LRBA: variants seen among roughly 807,000 people sequenced by gnomAD.
The protein encoded by LRBA is LPS responsive beige-like anchor protein.
Under a neutral mutation model 330.0 loss-of-function variants are expected in LRBA, and 176 were observed. That is an observed-to-expected ratio of 0.53 (90% CI 0.47 to 0.60). The LOEUF (loss-of-function observed/expected upper bound fraction) is 0.60. Ranked by LOEUF, LRBA falls within the 20% of genes least tolerant of loss-of-function variation. LRBA has a pLI of 0.00. For synonymous variants in LRBA, 1,230 were observed against 1,193.0 expected, an observed-to-expected ratio of 1.03 and a Z score of -0.64; for missense variants, 3,259 against 3,444.8, an observed-to-expected ratio of 0.95 and a Z score of 1.35.
chr4:150,593,382 G>A (rs1301847388), intron 38 of LRBA, among the ~76,000 whole-genome samples: 1 of 152,030 alleles, frequency 6.6e-6, no homozygotes, highest in Non-Finnish European at 1.5e-5. Context: ...CTTCTGCTTA[G>A]TTCTAATTTT....
chr4:150,710,747 G>C (rs1036148480), intron 36 of LRBA, among the ~76,000 whole-genome samples: 2 of 151,970 alleles, frequency 1.3e-5, no homozygotes, highest in African/African-American at 2.4e-5. Flanking sequence ...AGTGAAGAAT[G>C]AGTGCTTTAC....
chr4:150,866,914 G>A (rs180850073), intron 22 of LRBA, among the ~76,000 whole-genome samples: 54 of 151,956 alleles, frequency 3.6e-4, no homozygotes, highest in Middle Eastern at 6.8e-3. Flanking sequence ...TTATATACAC[G>A]TAGTAAAGGT....
intron 36 of LRBA, among the ~76,000 whole-genome samples, chr4:150,704,528 A>T (rs1785427088): frequency 6.6e-6 from 1 of 152,058 alleles, no homozygotes; most frequent in Non-Finnish European, 1.5e-5. Context: ...TCTGGGAAGT[A>T]CCTGAATTCT....
chr4:150,378,792 C>G (rs1325340348), intron 47 of LRBA, among the ~76,000 whole-genome samples: 1 of 151,882 alleles, frequency 6.6e-6, no homozygotes, highest in Non-Finnish European at 1.5e-5. Flanking sequence ...GTCTTCAAAT[C>G]GAATGACAAT....
chr4:150,635,995 TTTC>T (rs1427058433), intron 37 of LRBA, among the ~76,000 whole-genome samples: 2 of 152,160 alleles, frequency 1.3e-5, no homozygotes, highest in African/African-American at 4.8e-5. Flanking sequence ...TTCTTCTACA[TTTC>T]TTCTACATGA....
chr4:150,340,776 G>T (rs1204765102), intron 48 of LRBA, among the ~76,000 whole-genome samples: 1 of 152,064 alleles, frequency 6.6e-6, no homozygotes, highest in African/African-American at 2.4e-5. Context: ...TTTCCTTAAG[G>T]ATTTTTAGCT....
At position 150,926,373 on chromosome 4, in the gene LRBA, C is replaced by T. The variant is rs550446927; in HGVS notation, c.549+2143G>A. ...CAATAGAGACCCTCTAAGAGACACG[C>T]CTGAATAGTAAAACTAAACTAGCCG... On this transcript the variant is annotated intron_variant, in intron 4 of 56. Coordinates refer to ENST00000651943, the MANE Select transcript of LRBA (RefSeq NM_001364905.1). Among the ~76,000 whole-genome samples the T allele has an allele frequency of 4.3e-4, 65 of 152,250 alleles. 1 individual carries two copies. The highest frequency in any genetic ancestry group is 8.2e-4 in the Non-Finnish European group (56 of 68,022).
In LRBA at chr4:150,606,956, G is replaced by C. The variant is rs754533682; in HGVS notation, c.5922-7825C>G. On this transcript the variant is annotated intron_variant, in intron 37 of 56. Coordinates refer to ENST00000651943, the MANE Select transcript of LRBA (RefSeq NM_001364905.1). Reference sequence around the variant, plus strand: ...ATAATTGATCAAAGAGTAAACCGATGACTTTTAAACAGAAACTTAAATGAT... The same window carrying C: ...ATAATTGATCAAAGAGTAAACCGATCACTTTTAAACAGAAACTTAAATGAT... Among the ~76,000 whole-genome samples the C allele has an allele frequency of 2.0e-5, 3 of 152,138 alleles. No homozygotes were observed. In the South Asian group the frequency reaches 6.2e-4, roughly 32 times the overall value.
chr4:150,793,980 T>C (rs58510318), intron 34 of LRBA, among the ~76,000 whole-genome samples: 4,218 of 152,282 alleles, frequency 0.028, 182 homozygotes, highest in African/African-American at 0.096. Flanking sequence ...CAATTTGTGG[T>C]AAATTCTATA....
chr4:150,546,370 C>A (rs111375198), intron 40 of LRBA, among the ~76,000 whole-genome samples: 10 of 152,182 alleles, frequency 6.6e-5, no homozygotes, highest in Non-Finnish European at 1.2e-4. Flanking sequence ...AAAATAAAAG[C>A]ACTGGATTTT....
At chr4:150,785,024 A>G (rs1447652604) in intron 34 of LRBA, among the ~76,000 whole-genome samples, 1 of 152,192 alleles carries the variant, frequency 6.6e-6, no homozygotes, top group African/African-American at 2.4e-5. Flanking sequence ...TAGAGAAAAA[A>G]TCGTTCATGC....
intron 36 of LRBA, among the ~76,000 whole-genome samples, chr4:150,696,019 G>C (rs1784585329): frequency 6.6e-6 from 1 of 152,076 alleles, no homozygotes. Context: ...CTTGAGGCCA[G>C]GAGAGTTCAA....
intron 37 of LRBA, among the ~76,000 whole-genome samples, chr4:150,624,048 T>C (rs1312296894): frequency 2.6e-5 from 4 of 152,200 alleles, no homozygotes; most frequent in African/African-American, 9.6e-5. Context: ...ACAGATTACA[T>C]TATTGTTTTC....
At chr4:150,390,729 C>A (rs779100747) in intron 47 of LRBA, among the ~76,000 whole-genome samples, 6 of 152,012 alleles carry the variant, frequency 3.9e-5, no homozygotes, top group Admixed American at 1.3e-4. Flanking sequence ...TTTCTTCTAC[C>A]CCCTAATACC....
chr4:150,290,498 T>C (rs1382678144), intron 53 of LRBA, among the ~76,000 whole-genome samples: 1 of 152,174 alleles, frequency 6.6e-6, no homozygotes, highest in Non-Finnish European at 1.5e-5. Context: ...AAAATTGTCA[T>C]GGCCTTCAAT....
intron 36 of LRBA, among the ~76,000 whole-genome samples, chr4:150,718,533 A>G (rs1728536017): frequency 6.6e-6 from 1 of 152,114 alleles, no homozygotes; most frequent in Admixed American, 6.6e-5. Context: ...GCATACTTCA[A>G]CCAATTGAAG....
intron 37 of LRBA, among the ~76,000 whole-genome samples, chr4:150,610,779 A>G (rs1775177793): frequency 6.6e-6 from 1 of 152,060 alleles, no homozygotes; most frequent in Admixed American, 6.5e-5. Context: ...AAAATAAATA[A>G]CATAGGCTTT....
At chr4:150,473,624 T>C (rs147968589) in intron 42 of LRBA, among the ~76,000 whole-genome samples, 2,474 of 152,290 alleles carry the variant, frequency 0.016, 75 homozygotes, top group African/African-American at 0.055. Context: ...CTTGGTTCTC[T>C]GTCCTTCACT....
chr4:150,780,310 A>G (rs1274331575), intron 34 of LRBA, among the ~76,000 whole-genome samples: 2 of 152,168 alleles, frequency 1.3e-5, no homozygotes, highest in African/African-American at 4.8e-5. Flanking sequence ...CAAATAAGGT[A>G]TCTTATGTTT....
Sources: gnomAD v4.1 joint callset for allele counts (sites outside exome capture counted in the v4.1 genomes callset) on GRCh38, gnomAD v4.1.1 for gene constraint, MANE v1.5 for transcripts, NCBI Gene and HGNC (gene_info 2026-07-23, HGNC 2026-07-21) for gene names.